OPN3: variants seen among roughly 807,000 people sequenced by gnomAD.
OPN3 encodes opsin 3.
OPN3 carries 29 observed loss-of-function variants against 33.8 expected under a neutral mutation model. The observed-to-expected ratio is 0.86, with a 90% CI of 0.64 to 1.17. The LOEUF (loss-of-function observed/expected upper bound fraction) is 1.17, where lower values mean the gene tolerates loss of function less well. Among genes scored for constraint, OPN3 ranks in the 50% most tolerant of loss-of-function variants. The probability of loss-of-function intolerance (pLI) is 0.00; values close to 1 mark genes in which losing one functional copy is unlikely to be tolerated. For missense variants in OPN3, 437 were observed against 514.1 expected, an observed-to-expected ratio of 0.85 and a Z score of 1.45; for synonymous variants, 216 against 216.1, an observed-to-expected ratio of 1.00 and a Z score of 0.00.
intron 1 of OPN3, among the ~76,000 whole-genome samples, chr1:241,616,217 A>G (rs573595794): frequency 6.6e-6 from 1 of 152,242 alleles, no homozygotes; most frequent in African/African-American, 2.4e-5. Context: ...ATGATCCCCA[A>G]TAAAGCATTA....
chr1:241,597,620 A>T, intron 3 of OPN3, 126 bp downstream of exon 3: 1 of 918,652 alleles, frequency 1.1e-6, no homozygotes, highest in Non-Finnish European at 1.6e-6. Context: ...AGATCCCTTT[A>T]ATTCCTAAAA....
At chr1:241,622,842 A>C (rs950205782) in intron 1 of OPN3, among the ~76,000 whole-genome samples, 1 of 152,212 alleles carries the variant, frequency 6.6e-6, no homozygotes, top group African/African-American at 2.4e-5. Flanking sequence ...TGGTAAGTCC[A>C]AAGTGGCACT....
At chr1:241,631,842 G>A (rs928884530) in intron 1 of OPN3, 4 of 152,042 alleles carry the variant, frequency 2.6e-5, no homozygotes, top group Non-Finnish European at 5.9e-5. Flanking sequence ...ACTAATTTTC[G>A]TGGGCACTTT....
intron 1 of OPN3, among the ~76,000 whole-genome samples, chr1:241,620,088 G>A (rs1664235173): frequency 6.6e-6 from 1 of 152,114 alleles, no homozygotes; most frequent in East Asian, 1.9e-4. Flanking sequence ...GGGAATACAG[G>A]GTGGGGCAGG....
chr1:241,619,593 A>C (rs1167932533), intron 1 of OPN3, among the ~76,000 whole-genome samples: 1 of 152,234 alleles, frequency 6.6e-6, no homozygotes, highest in Non-Finnish European at 1.5e-5. Flanking sequence ...AAAGCTCTTG[A>C]AAATCTAACT....
intron 1 of OPN3, among the ~76,000 whole-genome samples, chr1:241,607,419 C>T (rs947651298): frequency 6.6e-6 from 1 of 152,006 alleles, no homozygotes; most frequent in East Asian, 1.9e-4. Flanking sequence ...GAGGCTGAGA[C>T]AGGAGAACTG....
intron 1 of OPN3, chr1:241,635,925 T>C: frequency 1.5e-6 from 1 of 662,804 alleles, no homozygotes; most frequent in Non-Finnish European, 2.5e-6. Context: ...ATATTTTTTT[T>C]CTTATAAGTC....
At chr1:241,596,591 G>C (rs760314927) in intron 3 of OPN3, among the ~76,000 whole-genome samples, 2 of 152,202 alleles carry the variant, frequency 1.3e-5, no homozygotes, top group Non-Finnish European at 2.9e-5. Context: ...TATTACAAAA[G>C]TGCCCTCTTC....
chr1:241,635,525 T>C, intron 1 of OPN3: 8 of 1,614,030 alleles, frequency 5.0e-6, no homozygotes, highest in Non-Finnish European at 6.8e-6. Flanking sequence ...TTCTGTTTCA[T>C]GGATCAGGTC....
At position 241,634,661 on chromosome 1, in the gene OPN3, C is replaced by T. The variant is rs200203736; in HGVS notation, c.373+5221G>A. 1.4e-5 allele frequency: 22 copies of T among 1,613,794 alleles called. No homozygotes were observed. Among genetic ancestry groups the T allele is most frequent in the African/African-American group, 5.3e-5 (4 of 74,882 alleles). On this transcript the variant is annotated intron_variant, in intron 1 of 3. Transcript: ENST00000366554. ...AAATAAAAAGGGGGTGTTGCCAAACCGTCCGAGACACTGAAGGAAGTTTTT... is the reference window on the plus strand; with the variant it reads ...AAATAAAAAGGGGGTGTTGCCAAACTGTCCGAGACACTGAAGGAAGTTTTT...
At chr1:241,635,444 T>C in intron 1 of OPN3, 1 of 1,613,926 alleles carries the variant, frequency 6.2e-7, no homozygotes, top group Non-Finnish European at 8.5e-7. Flanking sequence ...GTCCTCCATA[T>C]CCTGACTGGC....
chr1:241,594,503 A>G lies in OPN3; in HGVS notation c.1134T>C (p.Asp378=), dbSNP rs376260370. 6.2e-6 allele frequency: 10 copies of G among 1,614,024 alleles called. No homozygotes were observed. The African/African-American group carries it at 9.3e-5, about 15-fold the overall frequency. Residue 378 remains aspartate, a synonymous_variant, in exon 4 of 4, where the codon GAT becomes GAC. Transcript: ENST00000366554. ...CGCTGTCGTCAACTGACAGTGATTC[A>G]TCACTGGTGATGATAAAAATGATGG... ...SSSIIFIITS[D]ESLSVDDSDK...
chr1:241,640,369 T>G lies in OPN3; in HGVS notation c.-115A>C, dbSNP rs1665083361. ...GCCGCCTGCTCTAGCCATTGTGCAC[T>G]GAGGGGCCCGCGCTACCGCGCGCCG... On this transcript the variant is annotated 5_prime_UTR_variant, in exon 1 of 4. Transcript: ENST00000366554. 1 of 1,007,378 alleles carries G rather than the reference T, an allele frequency of 9.9e-7. No individual in the cohort carries two copies. The highest frequency in any genetic ancestry group is 4.7e-5 in the South Asian group (1 of 21,152). 62.4% of individuals were successfully genotyped at this position (1,007,378 alleles called of 1,614,324 possible).
chr1:241,596,625 GT>G lies in OPN3; in HGVS notation c.945+1120del, dbSNP rs572259644. Among the ~76,000 whole-genome samples the G allele has an allele frequency of 7.2e-5, 11 of 152,312 alleles. No individual in the cohort carries two copies. In the East Asian group the frequency reaches 1.7e-3, roughly 24 times the overall value. Reference sequence around the variant, plus strand: ...TCTTCCACATTCTTGAGCATTAGAAGTCACAGTGATTATTATTGCCTGTTAT... The same window carrying G: ...TCTTCCACATTCTTGAGCATTAGAAGCACAGTGATTATTATTGCCTGTTAT... On this transcript the variant is annotated intron_variant, in intron 3 of 3. Transcript: ENST00000366554.
chr1:241,605,064 A>AAAAT (rs1335645561), intron 1 of OPN3, among the ~76,000 whole-genome samples: 2 of 136,076 alleles, frequency 1.5e-5, no homozygotes, highest in South Asian at 4.6e-4. Flanking sequence ...TCAAAAAAAA[A>AAAAT]AAAAATAAAA....
At chr1:241,601,853 T>C (rs937402210) in intron 2 of OPN3, among the ~76,000 whole-genome samples, 2 of 152,238 alleles carry the variant, frequency 1.3e-5, no homozygotes, top group African/African-American at 2.4e-5. Flanking sequence ...CCCTAATTTC[T>C]GGTCTTGGTA....
intron 3 of OPN3, 101 bp from the exon 4 acceptor site, chr1:241,594,792 T>C: frequency 7.1e-7 from 1 of 1,413,280 alleles, no homozygotes; most frequent in Non-Finnish European, 9.6e-7. Flanking sequence ...AGTTGTTTTT[T>C]GTTTGTTAGC....
intron 1 of OPN3, among the ~76,000 whole-genome samples, chr1:241,610,941 G>T (rs1471043461): frequency 6.9e-6 from 1 of 144,724 alleles, no homozygotes; most frequent in Non-Finnish European, 1.5e-5. Flanking sequence ...TGGGTGTGTG[G>T]CTGTATTAAA....
Position 241,593,563 on chromosome 1 carries a change from T to C in OPN3, c.*865A>G, listed in dbSNP as rs1663395805. On this transcript the variant is annotated 3_prime_UTR_variant, in exon 4 of 4. Coordinates refer to ENST00000366554, the MANE Select transcript of OPN3 (RefSeq NM_014322.3). Reference sequence around the variant, plus strand: ...AAAATAATTTTTCCTTCTACCCACTTTAGGTTCCTTGGCTGGGGCCCCTAT... The same window carrying C: ...AAAATAATTTTTCCTTCTACCCACTCTAGGTTCCTTGGCTGGGGCCCCTAT... 3 of 240,666 alleles carry C rather than the reference T, an allele frequency of 1.2e-5. No homozygotes were observed. The Admixed American group carries it at 1.2e-4, about 10-fold the overall frequency. The allele number at this position is 240,666 out of a possible 1,614,324, so 14.9% of individuals were successfully genotyped here.
Sources: allele counts gnomAD v4.1 joint callset (sites outside exome capture counted in the v4.1 genomes callset), GRCh38; gene constraint gnomAD v4.1.1; transcripts MANE v1.5; gene names NCBI Gene and HGNC (gene_info 2026-07-23, HGNC 2026-07-21).